Variants in BMERB1 observed in about 807,000 individuals in gnomAD.
The protein encoded by BMERB1 is bMERB domain-containing protein 1.
BMERB1 carries 12 observed loss-of-function variants against 23.6 expected under a neutral mutation model. The ratio of observed to expected loss-of-function variants is 0.51; its 90% CI spans 0.33 to 0.82. The LOEUF is 0.82. Ranked by LOEUF, BMERB1 falls within the 40% of genes least tolerant of loss-of-function variation. BMERB1 has a pLI of 0.03. For missense variants in BMERB1, 247 were observed against 255.4 expected (o/e 0.97, Z 0.22); for synonymous variants, 122 against 96.6 (o/e 1.26, Z -1.54).
chr16:15,561,157 C>G (rs747123983), intron 2 of BMERB1, among the ~76,000 whole-genome samples: 8 of 151,148 alleles, frequency 5.3e-5, no homozygotes, highest in Non-Finnish European at 1.2e-4. Flanking sequence ...CAGGATTTCA[C>G]CAAGTTGGCC....
chr16:15,586,856 G>A lies in BMERB1; in HGVS notation c.*27G>A. 6.9e-7 allele frequency: 1 copy of A among 1,458,486 alleles called. No individual in the cohort carries two copies. The highest frequency in any genetic ancestry group is 9.3e-7 in the Non-Finnish European group (1 of 1,073,890). The allele number at this position is 1,458,486 out of a possible 1,614,324, so 90.3% of individuals were successfully genotyped here. On this transcript the variant is annotated 3_prime_UTR_variant, in exon 6 of 6. Coordinates refer to ENST00000300006, the MANE Select transcript of BMERB1 (RefSeq NM_033201.3). ...CCCCACGTGGGGTGCCCTGGGCCAT[G>A]GGGACCCCCCCCCACCCTCTTGTCT...
At chr16:15,530,454 G>C (rs2051956215) in intron 2 of BMERB1, among the ~76,000 whole-genome samples, 1 of 152,182 alleles carries the variant, frequency 6.6e-6, no homozygotes, top group Admixed American at 6.5e-5. Flanking sequence ...TGTTGTCCAG[G>C]CTGGAGTGCA....
intron 1 of BMERB1, among the ~76,000 whole-genome samples, chr16:15,455,751 C>A (rs181886232): frequency 6.6e-6 from 1 of 152,090 alleles, no homozygotes; most frequent in South Asian, 2.1e-4. Context: ...CATGAGCCAC[C>A]GCGCCTGGCC....
chr16:15,564,496 A>C (rs1445445239), intron 2 of BMERB1, among the ~76,000 whole-genome samples: 1 of 152,244 alleles, frequency 6.6e-6, no homozygotes, highest in East Asian at 1.9e-4. Flanking sequence ...AATTCTAAAT[A>C]GGACAATTTA....
chr16:15,515,667 T>C (rs1014047439), intron 2 of BMERB1, among the ~76,000 whole-genome samples: 2 of 152,198 alleles, frequency 1.3e-5, no homozygotes, highest in Admixed American at 6.5e-5. Context: ...ACCTTTGTTC[T>C]TTCTGTATCA....
intron 1 of BMERB1, among the ~76,000 whole-genome samples, chr16:15,435,066 G>C (rs1049571890): frequency 1.3e-5 from 2 of 152,240 alleles, no homozygotes; most frequent in Non-Finnish European, 2.9e-5. Context: ...TGTGAAGTCG[G>C]GTCTCTCCCA....
chr16:15,549,677 A>T (rs919191929), intron 2 of BMERB1, among the ~76,000 whole-genome samples: 1 of 130,546 alleles, frequency 7.7e-6, no homozygotes, highest in Non-Finnish European at 1.6e-5. Flanking sequence ...GACATTGTCT[A>T]AAAAAAAAAA....
chr16:15,497,191 G>T (rs764431136), intron 1 of BMERB1, among the ~76,000 whole-genome samples: 1 of 152,142 alleles, frequency 6.6e-6, no homozygotes, highest in African/African-American at 2.4e-5. Flanking sequence ...CTTTACTCAG[G>T]TGTTGCAGCC....
intron 2 of BMERB1, among the ~76,000 whole-genome samples, chr16:15,537,864 G>A (rs940740200): frequency 4.8e-4 from 73 of 151,746 alleles, no homozygotes; most frequent in African/African-American, 1.7e-3. Context: ...TTGCTGTGTT[G>A]CCCAGGCTGT....
intron 1 of BMERB1, among the ~76,000 whole-genome samples, chr16:15,484,556 C>A (rs1320014538): frequency 6.6e-6 from 1 of 152,142 alleles, no homozygotes; most frequent in Non-Finnish European, 1.5e-5. Flanking sequence ...CACACACCGC[C>A]ACACCCGGCT....
chr16:15,469,635 G>A (rs910548762), intron 1 of BMERB1, among the ~76,000 whole-genome samples: 2 of 152,054 alleles, frequency 1.3e-5, no homozygotes, highest in African/African-American at 2.4e-5. Flanking sequence ...TATGTCTCCC[G>A]ATTTATTGAG....
intron 3 of BMERB1, among the ~76,000 whole-genome samples, chr16:15,569,752 G>A (rs1463067867): frequency 6.6e-6 from 1 of 152,116 alleles, no homozygotes; most frequent in East Asian, 1.9e-4. Flanking sequence ...TATCTCAAAA[G>A]GCTGATCTTA....
At chr16:15,537,562 C>T (rs1282648383) in intron 2 of BMERB1, among the ~76,000 whole-genome samples, 1 of 151,960 alleles carries the variant, frequency 6.6e-6, no homozygotes, top group Non-Finnish European at 1.5e-5. Flanking sequence ...CCATGTTGGC[C>T]AGGCTGGTCT....
chr16:15,518,012 G>T (rs1598489393), intron 2 of BMERB1, among the ~76,000 whole-genome samples: 1 of 150,136 alleles, frequency 6.7e-6, no homozygotes, highest in East Asian at 2.0e-4. Flanking sequence ...TGTGTGTGTG[G>T]GTGTGGATGT....
At chr16:15,512,343 G>C (rs2051678724) in intron 1 of BMERB1, among the ~76,000 whole-genome samples, 1 of 152,156 alleles carries the variant, frequency 6.6e-6, no homozygotes, top group Admixed American at 6.5e-5. Flanking sequence ...CAAGCAGGTA[G>C]GGACTGACTT....
chr16:15,585,553 C>T lies in BMERB1; in HGVS notation c.503-1164C>T, dbSNP rs193301084. Among the ~76,000 whole-genome samples, 9 of 152,172 alleles carry T rather than the reference C, an allele frequency of 5.9e-5. No homozygotes were observed. In the East Asian group the frequency reaches 7.7e-4, roughly 13 times the overall value. On this transcript the variant is annotated intron_variant, in intron 5 of 5. Transcript: ENST00000300006. ...CCTCAATAAAAATGAAAAACCCGGC[C>T]GGGCACAGTGGCTTATGTCTGTAAT...
intron 2 of BMERB1, among the ~76,000 whole-genome samples, chr16:15,525,457 A>C (rs1292877435): frequency 6.6e-6 from 1 of 152,090 alleles, no homozygotes; most frequent in Non-Finnish European, 1.5e-5. Context: ...TAATTCCAGC[A>C]CTTTGGGAGG....
In BMERB1 at chr16:15,587,033, T is replaced by G. The variant is rs919909950; in HGVS notation, c.*204T>G. The G allele has an allele frequency of 1.2e-5, 7 of 561,446 alleles. 1 individual carries two copies. Among genetic ancestry groups the G allele is most frequent in the Non-Finnish European group, 2.2e-5 (7 of 317,200 alleles). 34.8% of individuals were successfully genotyped at this position (561,446 alleles called of 1,614,324 possible). On this transcript the variant is annotated 3_prime_UTR_variant, in exon 6 of 6. Transcript: ENST00000300006. ...CAGTAGGGAGTCTCTCACCGTCGCA[T>G]GGTCCTCCCCAGAGCATGCCGAACC...
chr16:15,442,405 G>A (rs930328532), intron 1 of BMERB1, among the ~76,000 whole-genome samples: 3 of 151,654 alleles, frequency 2.0e-5, no homozygotes, highest in Non-Finnish European at 4.4e-5. Flanking sequence ...GTAAGTTATT[G>A]CAAAACTATT....
Sources: gnomAD v4.1 joint callset for allele counts (sites outside exome capture counted in the v4.1 genomes callset) on GRCh38, gnomAD v4.1.1 for gene constraint, MANE v1.5 for transcripts, NCBI Gene and HGNC (gene_info 2026-07-23, HGNC 2026-07-21) for gene names.